Variants in FARS2 observed in about 807,000 individuals in gnomAD.
FARS2 encodes phenylalanine--tRNA ligase, mitochondrial.
Under a neutral mutation model 46.4 loss-of-function variants are expected in FARS2, and 40 were observed. The observed-to-expected ratio is 0.86, with a 90% CI of 0.67 to 1.12. The LOEUF (loss-of-function observed/expected upper bound fraction) is 1.12, where lower values mean the gene tolerates loss of function less well. FARS2 is among the 50% of genes most tolerant of loss of function. FARS2 has a pLI of 0.00. For missense variants in FARS2, 513 were observed against 567.9 expected (o/e 0.90, Z 0.98); for synonymous variants, 234 against 214.9 (o/e 1.09, Z -0.78).
chr6:5,564,302 C>G (rs1375103551), intron 5 of FARS2, among the ~76,000 whole-genome samples: 1 of 152,182 alleles, frequency 6.6e-6, no homozygotes, highest in Admixed American at 6.5e-5. Context: ...TTTTATTTTC[C>G]CAAACAAAGA....
chr6:5,762,646 T>C (rs1236544528), intron 6 of FARS2, among the ~76,000 whole-genome samples: 1 of 152,238 alleles, frequency 6.6e-6, no homozygotes, highest in Admixed American at 6.5e-5. Context: ...AAGGAACTCT[T>C]ACGTTGCCGA....
intron 4 of FARS2, among the ~76,000 whole-genome samples, chr6:5,439,281 G>A (rs1462328093): frequency 4.6e-5 from 7 of 152,072 alleles, no homozygotes; most frequent in South Asian, 4.1e-4. Flanking sequence ...CATAGAATTC[G>A]GGCATCCTTT....
intron 1 of FARS2, among the ~76,000 whole-genome samples, chr6:5,274,276 G>T (rs896350820): frequency 2.0e-5 from 3 of 152,202 alleles, no homozygotes; most frequent in African/African-American, 4.8e-5. Context: ...GTGGCCATGT[G>T]CCTAGTTCCT....
chr6:5,297,133 G>T (rs1474912653), intron 1 of FARS2, among the ~76,000 whole-genome samples: 1 of 152,144 alleles, frequency 6.6e-6, no homozygotes, highest in African/African-American at 2.4e-5. Flanking sequence ...GCACAGAGAG[G>T]TTAGGTGAGC....
At chr6:5,731,927 C>T (rs1463855620) in intron 6 of FARS2, among the ~76,000 whole-genome samples, 2 of 152,058 alleles carry the variant, frequency 1.3e-5, no homozygotes, top group African/African-American at 4.8e-5. Flanking sequence ...ATGAGACTCT[C>T]ACGCAGCCCG....
intron 6 of FARS2, among the ~76,000 whole-genome samples, chr6:5,713,119 G>C (rs1225893791): frequency 2.0e-5 from 3 of 152,210 alleles, no homozygotes; most frequent in African/African-American, 4.8e-5. Flanking sequence ...TGGAGCTGCT[G>C]ATTTGTGATT....
chr6:5,748,019 T>G (rs1761735928), intron 6 of FARS2, among the ~76,000 whole-genome samples: 1 of 152,214 alleles, frequency 6.6e-6, no homozygotes. Flanking sequence ...CTGAAATAGC[T>G]TTAACAAATA....
chr6:5,522,253 C>A (rs569571409), intron 4 of FARS2, among the ~76,000 whole-genome samples: 118 of 152,308 alleles, frequency 7.7e-4, no homozygotes, highest in African/African-American at 2.7e-3. Flanking sequence ...CAAGCCCAGA[C>A]CTGGAAGGGG....
intron 1 of FARS2, among the ~76,000 whole-genome samples, chr6:5,307,577 A>G (rs1318379233): frequency 1.3e-5 from 2 of 152,258 alleles, no homozygotes; most frequent in African/African-American, 2.4e-5. Context: ...TCAAATGTAC[A>G]AAACTAACCA....
intron 6 of FARS2, among the ~76,000 whole-genome samples, chr6:5,681,948 T>G (rs1298710906): frequency 6.6e-6 from 1 of 152,218 alleles, no homozygotes; most frequent in Non-Finnish European, 1.5e-5. Flanking sequence ...ACTAACGTGG[T>G]AAAGAGTCGG....
At chr6:5,277,614 A>G (rs1473710670) in intron 1 of FARS2, among the ~76,000 whole-genome samples, 3 of 152,218 alleles carry the variant, frequency 2.0e-5, no homozygotes, top group African/African-American at 4.8e-5. Flanking sequence ...TAGGGCATAA[A>G]GGGTGCTGGC....
intron 4 of FARS2, among the ~76,000 whole-genome samples, chr6:5,544,420 T>TG (rs2150498388): frequency 4.9e-5 from 1 of 20,500 alleles, no homozygotes; most frequent in Non-Finnish European, 9.0e-5. Flanking sequence ...GTTGGAATTA[T>TG]ATCCTTTCAT....
intron 6 of FARS2, among the ~76,000 whole-genome samples, chr6:5,679,579 G>T (rs1474492726): frequency 6.6e-6 from 1 of 152,090 alleles, no homozygotes; most frequent in Non-Finnish European, 1.5e-5. Flanking sequence ...TCTTTTCCCA[G>T]GGTCTCCTAA....
intron 6 of FARS2, among the ~76,000 whole-genome samples, chr6:5,726,053 G>C (rs1269086139): frequency 6.6e-6 from 1 of 152,166 alleles, no homozygotes; most frequent in African/African-American, 2.4e-5. Flanking sequence ...TTCACAGTAG[G>C]GCACAGTAGA....
chr6:5,353,102 CT>C (rs1757677270), intron 1 of FARS2, among the ~76,000 whole-genome samples: 1 of 152,176 alleles, frequency 6.6e-6, no homozygotes, highest in Non-Finnish European at 1.5e-5. Context: ...CTATTCTACT[CT>C]TTGCTTCTGT....
At chr6:5,687,404 G>C (rs1480420251) in intron 6 of FARS2, among the ~76,000 whole-genome samples, 1 of 152,202 alleles carries the variant, frequency 6.6e-6, no homozygotes, top group South Asian at 2.1e-4. Flanking sequence ...TCCAGTTTCA[G>C]CTTTCTACAT....
intron 4 of FARS2, among the ~76,000 whole-genome samples, chr6:5,455,662 C>T (rs945859677): frequency 3.9e-5 from 6 of 152,074 alleles, no homozygotes; most frequent in African/African-American, 1.4e-4. Context: ...TTTCATTGCT[C>T]TTAATTATAG....
At chr6:5,256,697 T>C (rs1764695840), upstream of FARS2, among the ~76,000 whole-genome samples, 1 of 152,022 alleles carries the variant, frequency 6.6e-6, no homozygotes, top group Non-Finnish European at 1.5e-5. Context: ...ATCACTCCTC[T>C]GAGCTTCAGA....
intron 4 of FARS2, among the ~76,000 whole-genome samples, chr6:5,498,361 T>C (rs963937470): frequency 1.3e-5 from 2 of 152,212 alleles, no homozygotes; most frequent in African/African-American, 4.8e-5. Flanking sequence ...TTAAGAGTTA[T>C]CGTTCAAGAG....
Sources: allele counts gnomAD v4.1 joint callset (sites outside exome capture counted in the v4.1 genomes callset), GRCh38; gene constraint gnomAD v4.1.1; transcripts MANE v1.5; gene names NCBI Gene and HGNC (gene_info 2026-07-23, HGNC 2026-07-21).